STAM2: variants seen among roughly 807,000 people sequenced by gnomAD.
STAM2 encodes signal transducing adapter molecule 2.
STAM2 carries 51 observed loss-of-function variants against 65.6 expected under a neutral mutation model. The ratio of observed to expected loss-of-function variants is 0.78; its 90% CI spans 0.62 to 0.98. The LOEUF is 0.98. STAM2 is among the 50% of genes least tolerant of loss of function. The pLI is 0.00. For synonymous variants in STAM2, 198 were observed against 208.4 expected (o/e 0.95, Z 0.43); for missense variants, 584 against 617.8 (o/e 0.95, Z 0.58).
intron 8 of STAM2, 94 bp from the exon 9 acceptor site, chr2:152,133,578 AAAAAT>A: frequency 3.3e-6 from 3 of 898,332 alleles, no homozygotes; most frequent in South Asian, 1.5e-5. Context: ...CATAAGAAAA[AAAAAT>A]AAAAGTCCTT....
chr2:152,151,209 G>C (rs1268970289), intron 1 of STAM2, among the ~76,000 whole-genome samples: 1 of 108,090 alleles, frequency 9.3e-6, no homozygotes, highest in Non-Finnish European at 1.8e-5. Context: ...ACAGTGTCTT[G>C]CTCTGTTGCC....
intron 7 of STAM2, among the ~76,000 whole-genome samples, chr2:152,138,681 T>C (rs1689197212): frequency 6.6e-6 from 1 of 152,202 alleles, no homozygotes; most frequent in African/African-American, 2.4e-5. Context: ...TTATATATCA[T>C]CCAAGTTCTT....
In STAM2 at chr2:152,175,636, A is replaced by C; in HGVS notation, c.7T>G (p.Leu3Val). 1 of 1,613,556 alleles carries C rather than the reference A, an allele frequency of 6.2e-7. No individual in the cohort carries two copies. The highest frequency in any genetic ancestry group is 1.1e-5 in the South Asian group (1 of 90,972). MP[L>V]FTANPFEQDV... ...TGCTCGAAGGGGTTGGCGGTGAACA[A>C]AGGCATCTCGCCGGCGCCCGAGCCC... Residue 3 changes from leucine to valine, a missense_variant, in exon 1 of 14, where the codon TTG (leucine) becomes GTG (valine). Leu to Val is a conservative substitution (Grantham distance 32). Coordinates refer to ENST00000263904, the MANE Select transcript of STAM2 (RefSeq NM_005843.6).
At chr2:152,160,572 G>C (rs1230582916) in intron 1 of STAM2, among the ~76,000 whole-genome samples, 3 of 145,382 alleles carry the variant, frequency 2.1e-5, no homozygotes, top group African/African-American at 7.7e-5. Context: ...GTCAGCCCCC[G>C]CCAGGCCAGC....
rs551410515 is a variant in STAM2 at position 152,132,628 on chromosome 2, T to C, written c.971-460A>G. Among the ~76,000 whole-genome samples, 42 of 152,080 alleles carry C rather than the reference T, an allele frequency of 2.8e-4. No homozygotes were observed. The South Asian group carries it at 8.7e-3, about 32-fold the overall frequency. On this transcript the variant is annotated intron_variant, in intron 10 of 13. Coordinates refer to ENST00000263904, the MANE Select transcript of STAM2 (RefSeq NM_005843.6). ...ATAAAGAGCACAACGCTGTATTCTA[T>C]ATTCATAACCAGATGTTTCTTCTAT...
intron 1 of STAM2, among the ~76,000 whole-genome samples, chr2:152,160,770 A>T: frequency 7.5e-6 from 1 of 132,730 alleles, no homozygotes; most frequent in Non-Finnish European, 1.6e-5. Context: ...GGCCGCCCCT[A>T]CCGGGAAGTG....
At chr2:152,126,183 A>G (rs776502606) in intron 12 of STAM2, 43 bp downstream of exon 12, 88 of 1,501,650 alleles carry the variant, frequency 5.9e-5, no homozygotes, top group Non-Finnish European at 7.5e-5. Context: ...TACTTTTAAA[A>G]GTTGTTTATA....
At chr2:152,152,977 CT>C (rs1579327032) in intron 1 of STAM2, among the ~76,000 whole-genome samples, 1 of 152,010 alleles carries the variant, frequency 6.6e-6, no homozygotes, top group African/African-American at 2.4e-5. Flanking sequence ...TTTTCAATAT[CT>C]TTTTTTGTGG....
chr2:152,163,606 CG>C (rs1689724580), intron 1 of STAM2, among the ~76,000 whole-genome samples: 1 of 152,064 alleles, frequency 6.6e-6, no homozygotes, highest in Non-Finnish European at 1.5e-5. Flanking sequence ...TGACTGCCTG[CG>C]GGGTAGGGCA....
At chr2:152,142,633 G>A (rs1317675659) in intron 7 of STAM2, among the ~76,000 whole-genome samples, 1 of 152,124 alleles carries the variant, frequency 6.6e-6, no homozygotes, top group African/African-American at 2.4e-5. Context: ...TAAGTTACAT[G>A]AGATATTCAA....
intron 1 of STAM2, among the ~76,000 whole-genome samples, chr2:152,170,150 C>T (rs552539846): frequency 6.6e-6 from 1 of 151,656 alleles, no homozygotes; most frequent in Non-Finnish European, 1.5e-5. Flanking sequence ...AGCTACACTT[C>T]TACTGAAGAA....
At chr2:152,124,140 GTTCTT>G in intron 12 of STAM2, 1 of 529,254 alleles carries the variant, frequency 1.9e-6, no homozygotes, top group South Asian at 2.6e-5. Context: ...TTGTTTGGCT[GTTCTT>G]TTATTTTTAC....
At chr2:152,132,709 TA>T (rs1262011241) in intron 10 of STAM2, among the ~76,000 whole-genome samples, 2 of 152,170 alleles carry the variant, frequency 1.3e-5, no homozygotes, top group Non-Finnish European at 2.9e-5. Context: ...AGATTTTTTT[TA>T]AAGCATAAAA....
intron 1 of STAM2, among the ~76,000 whole-genome samples, chr2:152,159,129 A>ATATATATATATATATATATAAAC: frequency 6.9e-6 from 1 of 144,748 alleles, no homozygotes; most frequent in African/African-American, 2.6e-5. Context: ...AGATATATAT[A>ATATATATATATATATATATAAAC]ATTTTTTTTC....
chr2:152,164,882 A>G (rs897249856), intron 1 of STAM2, among the ~76,000 whole-genome samples: 1 of 152,212 alleles, frequency 6.6e-6, no homozygotes, highest in African/African-American at 2.4e-5. Context: ...TCTATTAAAA[A>G]GGCAAAAATC....
chr2:152,135,328 G>A (rs1403792007), intron 8 of STAM2, among the ~76,000 whole-genome samples, 181 bp downstream of exon 8: 1 of 152,144 alleles, frequency 6.6e-6, no homozygotes, highest in African/African-American at 2.4e-5. Flanking sequence ...TAATTCTTGG[G>A]ATTGACACAG....
At chr2:152,164,287 T>C (rs751646815) in intron 1 of STAM2, among the ~76,000 whole-genome samples, 15 of 152,246 alleles carry the variant, frequency 9.9e-5, no homozygotes, top group Non-Finnish European at 1.9e-4. Flanking sequence ...ATAGGAAACA[T>C]GCAAATTCAA....
intron 1 of STAM2, among the ~76,000 whole-genome samples, chr2:152,174,169 T>C (rs577917363): frequency 6.6e-6 from 1 of 152,336 alleles, no homozygotes; most frequent in South Asian, 2.1e-4. Flanking sequence ...CAATGAACTT[T>C]CAAGAAAAAT....
chr2:152,136,357 C>T (rs571344364), intron 7 of STAM2, among the ~76,000 whole-genome samples: 37 of 152,110 alleles, frequency 2.4e-4, no homozygotes, highest in Admixed American at 1.6e-3. Context: ...GCAGGAGAAT[C>T]GCTTGAACCA....
Sources: gnomAD v4.1 joint callset for allele counts (sites outside exome capture counted in the v4.1 genomes callset) on GRCh38, gnomAD v4.1.1 for gene constraint, MANE v1.5 for transcripts, NCBI Gene and HGNC (gene_info 2026-07-23, HGNC 2026-07-21) for gene names.